RNF212: variants seen among roughly 807,000 people sequenced by gnomAD.
RNF212 encodes the protein probable E3 SUMO-protein ligase RNF212.
Under a neutral mutation model 34.7 loss-of-function variants are expected in RNF212, and 33 were observed. The observed-to-expected ratio is 0.95, with a 90% CI of 0.72 to 1.27. RNF212 has a LOEUF of 1.27. RNF212 is among the 50% of genes most tolerant of loss of function. RNF212 has a pLI of 0.00. For missense variants in RNF212, 377 were observed against 362.2 expected (o/e 1.04, Z -0.33); for synonymous variants, 140 against 136.1 (o/e 1.03, Z -0.20).
chr4:1,103,961 G>C (rs1315095936), intron 2 of RNF212, among the ~76,000 whole-genome samples: 1 of 151,724 alleles, frequency 6.6e-6, no homozygotes, highest in African/African-American at 2.4e-5. Flanking sequence ...ACATGTTGGC[G>C]TATGTAAATG....
intron 1 of RNF212, among the ~76,000 whole-genome samples, 173 bp from the exon 2 acceptor site, chr4:1,108,577 GAACT>G (rs1382610348): frequency 8.5e-5 from 13 of 152,122 alleles, no homozygotes; most frequent in Non-Finnish European, 1.8e-4. Context: ...AGGATTTATA[GAACT>G]AACATTCTTT....
chr4:1,073,074 G>T lies in RNF212; in HGVS notation c.694C>A (p.His232Asn), dbSNP rs751841493. 7 of 1,614,192 alleles carry T rather than the reference G, an allele frequency of 4.3e-6. No individual in the cohort carries two copies. The highest frequency in any genetic ancestry group is 5.1e-6 in the Non-Finnish European group (6 of 1,180,026). The change falls in exon 10 of 10, where the codon CAC becomes AAC. Residue 232 changes from histidine to asparagine, a missense_variant. Physicochemically the swap from His to Asn is moderately conservative, Grantham distance 68 (BLOSUM62 1). Coordinates refer to ENST00000433731, the MANE Select transcript of RNF212 (RefSeq NM_001131034.4). The stretch of plus-strand genomic sequence containing the variant: ...CTGAACGCTAGGAGGAGCAGCCAGT[G>T]AGGACAGACGTCTATGCAGAAACAT... ...SPCFCIDVCP[H>N]WLLLLAFSSG...
At chr4:1,112,638 C>T (rs1339110109) in intron 1 of RNF212, among the ~76,000 whole-genome samples, 2 of 151,530 alleles carry the variant, frequency 1.3e-5, no homozygotes, top group African/African-American at 2.4e-5. Flanking sequence ...GACCCGCAGC[C>T]TGCAAGCCAG....
In RNF212 at chr4:1,072,522, T is replaced by G; in HGVS notation, c.*352A>C. 6.6e-6 allele frequency: 2 copies of G among 304,980 alleles called. No individual in the cohort carries two copies. The highest frequency in any genetic ancestry group is 1.1e-5 in the Non-Finnish European group (2 of 188,178). 18.9% of individuals were successfully genotyped at this position (304,980 alleles called of 1,614,324 possible). ...GTGGAGTCATGGTGTATATGGGAAA[T>G]CTGTACCTTCCTTTCAATTTTTCTG... On this transcript the variant is annotated 3_prime_UTR_variant, in exon 10 of 10. Coordinates refer to ENST00000433731, the MANE Select transcript of RNF212 (RefSeq NM_001131034.4).
chr4:1,079,338 T>C (rs1173194006), intron 8 of RNF212, among the ~76,000 whole-genome samples: 1 of 152,106 alleles, frequency 6.6e-6, no homozygotes, highest in East Asian at 1.9e-4. Context: ...ATGGGACCTG[T>C]ACGGGAACAA....
intron 2 of RNF212, among the ~76,000 whole-genome samples, chr4:1,099,552 A>G (rs757621461): frequency 5.9e-5 from 9 of 152,190 alleles, no homozygotes; most frequent in Non-Finnish European, 2.9e-5. Flanking sequence ...AGGCCCTCGC[A>G]TCATCAAGAA....
chr4:1,110,051 C>T (rs975445755), intron 1 of RNF212, among the ~76,000 whole-genome samples: 3 of 152,182 alleles, frequency 2.0e-5, no homozygotes, highest in African/African-American at 7.2e-5. Flanking sequence ...TGCACCATCA[C>T]AGCTAGGAGT....
intron 1 of RNF212, among the ~76,000 whole-genome samples, chr4:1,109,182 A>G (rs754814091): frequency 1.2e-4 from 18 of 151,594 alleles, no homozygotes; most frequent in Non-Finnish European, 2.6e-4. Context: ...TAATTTTTGT[A>G]TTTTTAGTAG....
At chr4:1,100,373 T>C (rs983427749) in intron 2 of RNF212, 1 of 153,758 alleles carries the variant, frequency 6.5e-6, no homozygotes, top group Non-Finnish European at 1.4e-5. Flanking sequence ...GTGCACCTGT[T>C]ACATTTCCAC....
At chr4:1,064,459 G>A (rs1040406404) in intron 3 of RNF212, among the ~76,000 whole-genome samples, 2 of 152,114 alleles carry the variant, frequency 1.3e-5, no homozygotes, top group Non-Finnish European at 1.5e-5. Context: ...CCACAGACTG[G>A]GTGGCTTACA....
intron 4 of RNF212, among the ~76,000 whole-genome samples, chr4:1,057,710 G>A (rs960399606): frequency 4.6e-5 from 7 of 152,082 alleles, no homozygotes; most frequent in African/African-American, 9.7e-5. Flanking sequence ...CAGTCACCAC[G>A]TGGTACTTTT....
At chr4:1,082,512 G>T (rs1720515268) in intron 5 of RNF212, among the ~76,000 whole-genome samples, 1 of 152,220 alleles carries the variant, frequency 6.6e-6, no homozygotes, top group African/African-American at 2.4e-5. Context: ...AGCAGTTTCA[G>T]TTTGGGACCA....
intron 3 of RNF212, among the ~76,000 whole-genome samples, chr4:1,092,628 C>T (rs950982013): frequency 1.3e-5 from 2 of 152,224 alleles, no homozygotes; most frequent in African/African-American, 2.4e-5. Flanking sequence ...GTTTATCTTG[C>T]AGAGAATATG....
At chr4:1,059,751 G>C (rs1007276577) in intron 3 of RNF212, among the ~76,000 whole-genome samples, 6 of 152,214 alleles carry the variant, frequency 3.9e-5, no homozygotes, top group African/African-American at 1.4e-4. Flanking sequence ...AAATAATAAC[G>C]ATGGCAGGTA....
At chr4:1,091,623 A>G (rs1042742493) in intron 3 of RNF212, among the ~76,000 whole-genome samples, 1 of 152,120 alleles carries the variant, frequency 6.6e-6, no homozygotes, top group African/African-American at 2.4e-5. Flanking sequence ...TTGTCTGCCC[A>G]TGGCTCACTG....
At chr4:1,105,143 C>T (rs1724610207) in intron 2 of RNF212, among the ~76,000 whole-genome samples, 1 of 152,226 alleles carries the variant, frequency 6.6e-6, no homozygotes, top group African/African-American at 2.4e-5. Flanking sequence ...CTGGCGTGTC[C>T]ATGACTGTGG....
chr4:1,109,771 C>T (rs934117912), intron 1 of RNF212, among the ~76,000 whole-genome samples: 1 of 152,132 alleles, frequency 6.6e-6, no homozygotes, highest in Non-Finnish European at 1.5e-5. Flanking sequence ...ACGCTACCTC[C>T]TTCCTTTCTG....
At chr4:1,090,941 A>C in intron 3 of RNF212, 103 bp from the exon 4 acceptor site, 10 of 717,252 alleles carry the variant, frequency 1.4e-5, no homozygotes, top group Non-Finnish European at 2.5e-5. Context: ...AGGAGAGCTC[A>C]CAGTGCTTGT....
At position 1,099,149 on chromosome 4, in the gene RNF212, G is replaced by A. The variant is rs187633376; in HGVS notation, c.172-2310C>T. On this transcript the variant is annotated intron_variant, in intron 2 of 9. Transcript: ENST00000433731. ...ACACAGGCAGCCATTCCTCCACCCC[G>A]GCACTCACATTGCAGAGGGCCGGCG... Among the ~76,000 whole-genome samples, 46 of 152,240 alleles carry A rather than the reference G, an allele frequency of 3.0e-4. 1 individual carries two copies. The highest frequency in any genetic ancestry group is 2.3e-3 in the East Asian group (12 of 5,190).
Sources: allele counts gnomAD v4.1 joint callset (sites outside exome capture counted in the v4.1 genomes callset), GRCh38; gene constraint gnomAD v4.1.1; transcripts MANE v1.5; gene names NCBI Gene and HGNC (gene_info 2026-07-23, HGNC 2026-07-21).